The following SLC26A8 variants were observed in gnomAD, a reference collection of about 807,000 sequenced individuals.
The protein encoded by SLC26A8 is testis anion transporter 1.
In SLC26A8, 70 loss-of-function variants were observed where a neutral mutation model predicts 105.0. That is an observed-to-expected ratio of 0.67 (90% CI 0.55 to 0.81). The LOEUF (loss-of-function observed/expected upper bound fraction) is 0.81, where lower values mean the gene tolerates loss of function less well. Among genes scored for constraint, SLC26A8 ranks in the 40% least tolerant of loss-of-function variants. SLC26A8 has a pLI of 0.00. For missense variants in SLC26A8, 998 were observed against 1,181.8 expected (o/e 0.84, Z 2.28); for synonymous variants, 415 against 438.3 (o/e 0.95, Z 0.66).
chr6:36,017,632 C>CAACAA (rs55699221), intron 2 of SLC26A8, among the ~76,000 whole-genome samples: 44 of 150,842 alleles, frequency 2.9e-4, no homozygotes, highest in African/African-American at 7.1e-4. Flanking sequence ...AATTCCGTCT[C>CAACAA]AACAAAACAA....
intron 3 of SLC26A8, among the ~76,000 whole-genome samples, chr6:36,007,037 TG>T (rs2127364274): frequency 6.6e-6 from 1 of 152,300 alleles, no homozygotes; most frequent in African/African-American, 2.4e-5. Flanking sequence ...TCATACTTAG[TG>T]GTAAAAGACT....
chr6:36,020,646 T>C (rs1464041805), intron 1 of SLC26A8, among the ~76,000 whole-genome samples: 1 of 152,084 alleles, frequency 6.6e-6, no homozygotes, highest in Non-Finnish European at 1.5e-5. Context: ...TATATTATCC[T>C]GCTTTTTTAA....
At chr6:35,972,358 C>A (rs1772829181) in intron 10 of SLC26A8, among the ~76,000 whole-genome samples, 1 of 150,186 alleles carries the variant, frequency 6.7e-6, no homozygotes, top group African/African-American at 2.5e-5. Flanking sequence ...CACTTGAGGC[C>A]TGGAGTTTGG....
intron 8 of SLC26A8, 42 bp downstream of exon 8, chr6:35,982,079 A>G (rs372591196): frequency 1.3e-6 from 2 of 1,582,550 alleles, no homozygotes; most frequent in Admixed American, 1.7e-5. Flanking sequence ...AAGAGAGGGT[A>G]TCAGAAAGAG....
intron 19 of SLC26A8, 64 bp downstream of exon 19, chr6:35,951,099 T>TCCCCCCCCCTC: frequency 2.5e-6 from 1 of 404,132 alleles, no homozygotes; most frequent in Non-Finnish European, 4.1e-6. Flanking sequence ...CAACCACCCC[T>TCCCCCCCCCTC]CACCCATCCC....
At chr6:35,992,176 G>A (rs1761189187) in intron 6 of SLC26A8, among the ~76,000 whole-genome samples, 1 of 152,150 alleles carries the variant, frequency 6.6e-6, no homozygotes, top group African/African-American at 2.4e-5. Flanking sequence ...TCCTTTAGAT[G>A]TTTTAGGATA....
intron 2 of SLC26A8, among the ~76,000 whole-genome samples, chr6:36,017,210 GAGAA>G (rs1762017244): frequency 1.7e-4 from 5 of 28,788 alleles, no homozygotes; most frequent in Non-Finnish European, 3.3e-4. Flanking sequence ...AGGAAGGAAG[GAGAA>G]AAGAAAAGAA....
chr6:35,961,287 T>A (rs1772299767), intron 12 of SLC26A8, among the ~76,000 whole-genome samples, 188 bp from the exon 13 acceptor site: 1 of 152,204 alleles, frequency 6.6e-6, no homozygotes, highest in African/African-American at 2.4e-5. Context: ...CTAGCAATTC[T>A]TTTATGCATC....
At chr6:35,976,707 AT>A (rs964396385) in intron 9 of SLC26A8, among the ~76,000 whole-genome samples, 12 of 148,156 alleles carry the variant, frequency 8.1e-5, no homozygotes, top group East Asian at 2.0e-4. Flanking sequence ...TGCCCGGCTA[AT>A]TTTTTTTTTG....
At chr6:35,978,202 A>C (rs942585315) in intron 8 of SLC26A8, among the ~76,000 whole-genome samples, 2 of 152,144 alleles carry the variant, frequency 1.3e-5, no homozygotes, top group East Asian at 3.9e-4. Flanking sequence ...ACAAATGCAA[A>C]AATTCTTATC....
At chr6:35,968,609 GTATATATATA>G (rs55987809) in intron 11 of SLC26A8, among the ~76,000 whole-genome samples, 728 of 59,970 alleles carry the variant, frequency 0.012, 12 homozygotes, top group Middle Eastern at 0.029. Flanking sequence ...GTGTGTGTGT[GTATATATATA>G]TATATATATA....
chr6:35,968,607 GTGTATA>G (rs1188373707), intron 11 of SLC26A8, among the ~76,000 whole-genome samples: 801 of 46,710 alleles, frequency 0.017, 2 homozygotes, highest in African/African-American at 0.025. Flanking sequence ...GTGTGTGTGT[GTGTATA>G]TATATATATA....
At chr6:36,010,020 A>G (rs1230266385) in intron 3 of SLC26A8, among the ~76,000 whole-genome samples, 1 of 152,000 alleles carries the variant, frequency 6.6e-6, no homozygotes, top group Non-Finnish European at 1.5e-5. Context: ...ATGGTAGAAA[A>G]ACCACTCTGG....
chr6:36,004,088 T>C (rs1447455535), intron 3 of SLC26A8, among the ~76,000 whole-genome samples: 1 of 150,122 alleles, frequency 6.7e-6, no homozygotes, highest in East Asian at 1.9e-4. Context: ...TTTTTTTTTT[T>C]TTTTTGAGAC....
At chr6:35,956,428 CAAAAAA>C (rs56146863) in intron 16 of SLC26A8, among the ~76,000 whole-genome samples, 14 of 105,850 alleles carry the variant, frequency 1.3e-4, no homozygotes, top group African/African-American at 4.7e-4. Context: ...ACCTTATGTC[CAAAAAA>C]AAAAAAAAAA....
At position 35,951,150 on chromosome 6, in the gene SLC26A8, C is replaced by T. The variant is rs369433155; in HGVS notation, c.2472+13G>A. The T allele has an allele frequency of 5.1e-5, 75 of 1,462,230 alleles. 2 individuals carry two copies. In the South Asian group the frequency reaches 6.5e-4, roughly 13 times the overall value. The allele number at this position is 1,462,230 out of a possible 1,614,324, so 90.6% of individuals were successfully genotyped here. ...CCCTTCCCCCAACCTCATGCTTTGT[C>T]GGTTTGTCTGACCTTGTCTGTTTCT... On this transcript the variant is annotated intron_variant, in intron 19 of 19. Transcript: ENST00000490799.
At chr6:35,944,787 A>G (rs978128626) in intron 19 of SLC26A8, among the ~76,000 whole-genome samples, 7 of 152,130 alleles carry the variant, frequency 4.6e-5, no homozygotes, top group Admixed American at 4.6e-4. Flanking sequence ...GACTTAAGGT[A>G]CCAGAACCAT....
chr6:35,950,295 A>T, intron 19 of SLC26A8, among the ~76,000 whole-genome samples: 1 of 138,898 alleles, frequency 7.2e-6, no homozygotes, highest in South Asian at 2.3e-4. Context: ...AGGTCTCAGT[A>T]TTTTTTTTTT....
intron 9 of SLC26A8, among the ~76,000 whole-genome samples, chr6:35,976,615 G>A (rs991478531): frequency 3.4e-5 from 5 of 145,666 alleles, no homozygotes; most frequent in South Asian, 2.2e-4. Flanking sequence ...GTCTCGGCTC[G>A]CTGCAAGTTC....
Sources: allele counts gnomAD v4.1 joint callset (sites outside exome capture counted in the v4.1 genomes callset), GRCh38; gene constraint gnomAD v4.1.1; transcripts MANE v1.5; gene names NCBI Gene and HGNC (gene_info 2026-07-23, HGNC 2026-07-21).